Variants in PLS1 observed in about 807,000 individuals in gnomAD.
PLS1 encodes the protein plastin 1.
In PLS1, 32 loss-of-function variants were observed where a neutral mutation model predicts 73.7. The observed-to-expected ratio is 0.43, with a 90% CI of 0.33 to 0.58. The LOEUF (loss-of-function observed/expected upper bound fraction) is 0.58, where lower values mean the gene tolerates loss of function less well. Among genes scored for constraint, PLS1 ranks in the 20% least tolerant of loss-of-function variants. The probability of loss-of-function intolerance (pLI) is 0.04; values close to 1 mark genes in which losing one functional copy is unlikely to be tolerated. For missense variants in PLS1, 633 were observed against 740.5 expected (o/e 0.85, Z 1.68); for synonymous variants, 217 against 261.3 (o/e 0.83, Z 1.63).
chr3:142,601,893 C>T (rs1231513996), intron 1 of PLS1, among the ~76,000 whole-genome samples: 2 of 152,122 alleles, frequency 1.3e-5, no homozygotes, highest in Non-Finnish European at 2.9e-5. Context: ...ATATAGTTTA[C>T]AAGTGGCTGA....
chr3:142,695,599 T>G (rs1405856430), intron 11 of PLS1, among the ~76,000 whole-genome samples: 2 of 152,146 alleles, frequency 1.3e-5, no homozygotes, highest in Non-Finnish European at 2.9e-5. Context: ...GTCTATAATA[T>G]ATAGTCAAGA....
intron 2 of PLS1, among the ~76,000 whole-genome samples, chr3:142,665,503 T>C (rs556779393): frequency 1.3e-5 from 2 of 152,168 alleles, no homozygotes; most frequent in African/African-American, 4.8e-5. Flanking sequence ...TTGTATGTAG[T>C]GTCCAGAATC....
intron 1 of PLS1, among the ~76,000 whole-genome samples, chr3:142,648,298 C>T (rs917447367): frequency 9.2e-5 from 14 of 151,932 alleles, no homozygotes; most frequent in African/African-American, 3.1e-4. Flanking sequence ...CGGAAGAGGC[C>T]TCAGGAGAAA....
intron 12 of PLS1, among the ~76,000 whole-genome samples, chr3:142,703,220 A>G (rs527674390): frequency 6.6e-5 from 10 of 152,296 alleles, no homozygotes; most frequent in Admixed American, 6.5e-4. Context: ...TATGAAAGGA[A>G]AGCAGGACAC....
In PLS1 at chr3:142,712,264, G is replaced by A. The variant is rs1257865759; in HGVS notation, c.*257G>A. The A allele has an allele frequency of 3.4e-6, 1 of 297,124 alleles. No individual in the cohort carries two copies. Among genetic ancestry groups the A allele is most frequent in the Admixed American group, 4.7e-5 (1 of 21,152 alleles). The allele number at this position is 297,124 out of a possible 1,614,324, so 18.4% of individuals were successfully genotyped here. A position where few individuals can be genotyped will look rare whatever the true frequency, so the allele number is the denominator to read the frequency against. ...GATACTTCATGATTAAATTATTTTT[G>A]TTGCTTAAAAGTCGTATTAGACAAG... On this transcript the variant is annotated 3_prime_UTR_variant, in exon 16 of 16. Transcript: ENST00000457734.
intron 1 of PLS1, among the ~76,000 whole-genome samples, chr3:142,598,944 T>A (rs143867550): frequency 8.1e-4 from 122 of 150,970 alleles, no homozygotes; most frequent in African/African-American, 2.8e-3. Context: ...GAGCTTGCAG[T>A]GAGCCAAGAT....
intron 4 of PLS1, among the ~76,000 whole-genome samples, chr3:142,674,539 A>G (rs1451748966): frequency 6.6e-6 from 1 of 152,160 alleles, no homozygotes; most frequent in Non-Finnish European, 1.5e-5. Context: ...TGGTTTTTAT[A>G]TCTACAGAAT....
chr3:142,596,878 T>A (rs2035824527), intron 1 of PLS1, among the ~76,000 whole-genome samples: 1 of 152,188 alleles, frequency 6.6e-6, no homozygotes, highest in Admixed American at 6.5e-5. Flanking sequence ...TGGGACTGGT[T>A]TATTTGCCTT....
Position 142,676,237 on chromosome 3 carries a change from A to T in PLS1, c.445A>T (p.Asn149Tyr), listed in dbSNP as rs766539228. 14 of 1,613,354 alleles carry T rather than the reference A, an allele frequency of 8.7e-6. No individual in the cohort carries two copies. The highest frequency in any genetic ancestry group is 1.2e-5 in the Non-Finnish European group (14 of 1,179,342). ...TGACTGTAAGCATCTTATACCCATG[A>T]ATCCCAATGATGATAGTCTTTTCAA... The part of the protein sequence containing the change: ...DPDCKHLIPM[N>Y]PNDDSLFKSL... The change falls in exon 5 of 16, where the codon AAT becomes TAT. Residue 149 changes from asparagine to tyrosine, a missense_variant. By Grantham distance (143) the Asn-to-Tyr change is moderately radical (BLOSUM62 -2). Coordinates refer to ENST00000457734, the MANE Select transcript of PLS1 (RefSeq NM_001145319.2).
At chr3:142,614,613 A>G (rs889064312) in intron 1 of PLS1, among the ~76,000 whole-genome samples, 8 of 152,174 alleles carry the variant, frequency 5.3e-5, no homozygotes, top group East Asian at 1.9e-4. Flanking sequence ...CCAACACTCA[A>G]TGAGCCACAG....
At chr3:142,638,482 C>T (rs1174508267) in intron 1 of PLS1, among the ~76,000 whole-genome samples, 1 of 152,130 alleles carries the variant, frequency 6.6e-6, no homozygotes, top group Admixed American at 6.6e-5. Flanking sequence ...TCAGTGTTGG[C>T]GGAAACATGC....
intron 1 of PLS1, among the ~76,000 whole-genome samples, chr3:142,621,588 T>C (rs1389628245): frequency 2.0e-5 from 3 of 152,194 alleles, no homozygotes; most frequent in Non-Finnish European, 4.4e-5. Context: ...GTTTGGAAAA[T>C]TGTATATTCA....
intron 1 of PLS1, among the ~76,000 whole-genome samples, chr3:142,634,398 G>A (rs1442110264): frequency 6.6e-6 from 1 of 152,072 alleles, no homozygotes; most frequent in African/African-American, 2.4e-5. Context: ...CCACTGATAA[G>A]GATAAAATTC....
intron 14 of PLS1, among the ~76,000 whole-genome samples, chr3:142,708,257 AT>A (rs1453432795): frequency 4.6e-5 from 7 of 151,796 alleles, no homozygotes; most frequent in African/African-American, 1.7e-4. Flanking sequence ...TTATTTATTT[AT>A]TTTTTTGAGA....
intron 4 of PLS1, among the ~76,000 whole-genome samples, chr3:142,671,569 G>A (rs1048713753): frequency 3.9e-5 from 6 of 151,922 alleles, no homozygotes; most frequent in Non-Finnish European, 8.8e-5. Context: ...TGAGATACCC[G>A]ATTCACCTTT....
chr3:142,600,910 A>ATTT (rs1560024540), intron 1 of PLS1, among the ~76,000 whole-genome samples: 3 of 24,434 alleles, frequency 1.2e-4, no homozygotes, highest in African/African-American at 3.1e-4. Context: ...ATATATATAT[A>ATTT]TATATATTTT....
chr3:142,651,182 G>A (rs1343080556), intron 1 of PLS1, among the ~76,000 whole-genome samples: 2 of 151,826 alleles, frequency 1.3e-5, no homozygotes, highest in South Asian at 2.1e-4. Flanking sequence ...AGACAGGGCC[G>A]GGCACAGTGG....
At chr3:142,620,730 C>G (rs1181378540) in intron 1 of PLS1, among the ~76,000 whole-genome samples, 1 of 152,102 alleles carries the variant, frequency 6.6e-6, no homozygotes, top group Admixed American at 6.6e-5. Context: ...TAAAACTGCA[C>G]CATACAGGCC....
At chr3:142,698,658 A>C (rs775500447) in intron 12 of PLS1, among the ~76,000 whole-genome samples, 4 of 152,298 alleles carry the variant, frequency 2.6e-5, no homozygotes, top group Middle Eastern at 6.8e-3. Flanking sequence ...GAATAATAGA[A>C]ATATGAAAAA....
Sources: gnomAD v4.1 joint callset for allele counts (sites outside exome capture counted in the v4.1 genomes callset) on GRCh38, gnomAD v4.1.1 for gene constraint, MANE v1.5 for transcripts, NCBI Gene and HGNC (gene_info 2026-07-23, HGNC 2026-07-21) for gene names.